Variants in MEGF10 observed in about 807,000 individuals in gnomAD.
MEGF10 encodes the protein multiple epidermal growth factor-like domains protein 10.
Under a neutral mutation model 147.5 loss-of-function variants are expected in MEGF10, and 86 were observed. That is an observed-to-expected ratio of 0.58 (90% CI 0.49 to 0.70). The LOEUF is 0.70. MEGF10 is among the 30% of genes least tolerant of loss of function. The probability of loss-of-function intolerance (pLI) is 0.00; values close to 1 mark genes in which losing one functional copy is unlikely to be tolerated. For missense variants in MEGF10, 1,329 were observed against 1,487.3 expected (o/e 0.89, Z 1.75); for synonymous variants, 478 against 525.5 (o/e 0.91, Z 1.24).
At chr5:127,407,162 G>A (rs1397827930) in intron 8 of MEGF10, among the ~76,000 whole-genome samples, 3 of 152,182 alleles carry the variant, frequency 2.0e-5, no homozygotes, top group Non-Finnish European at 4.4e-5. Context: ...GCGTGGAGAT[G>A]TTGGCTCTTT....
chr5:127,388,318 T>G (rs1763511244), intron 5 of MEGF10, among the ~76,000 whole-genome samples: 4 of 151,650 alleles, frequency 2.6e-5, no homozygotes. Context: ...TCAGCTCACT[T>G]TTGCATCTTT....
At chr5:127,250,481 GT>G in the MEGF10 span, among the ~76,000 whole-genome samples, 1 of 151,956 alleles carries the variant, frequency 6.6e-6, no homozygotes, top group Non-Finnish European at 1.5e-5. Context: ...TAAACAATAA[GT>G]GTTGGTAAGC....
rs1260558059 is a variant in MEGF10 at position 127,372,042 on chromosome 5, C to G, written c.412+2040C>G. Among the ~76,000 whole-genome samples, 9 of 152,304 alleles carry G rather than the reference C, an allele frequency of 5.9e-5. No individual in the cohort carries two copies. In the East Asian group the frequency reaches 1.5e-3, roughly 26 times the overall value. ...ATCAACCTAATGTCAGGAAATGTATCATTTTGTTCACTCTTGACTAGATAA... is the reference window on the plus strand; with the variant it reads ...ATCAACCTAATGTCAGGAAATGTATGATTTTGTTCACTCTTGACTAGATAA... On this transcript the variant is annotated intron_variant, in intron 5 of 24. Transcript: ENST00000503335.
At chr5:127,269,033 T>G in the MEGF10 span, among the ~76,000 whole-genome samples, 2 of 152,242 alleles carry the variant, frequency 1.3e-5, no homozygotes, top group Non-Finnish European at 2.9e-5. Flanking sequence ...GGGTCCTGAC[T>G]GTTAGAAGGA....
intron 1 of MEGF10, among the ~76,000 whole-genome samples, chr5:127,324,873 C>G (rs966636689): frequency 2.0e-5 from 3 of 152,182 alleles, no homozygotes; most frequent in African/African-American, 7.2e-5. Context: ...AGGCTTGGCT[C>G]TTATCTTTCT....
chr5:127,368,302 C>G lies in MEGF10; in HGVS notation c.320-1608C>G, dbSNP rs188345772. The stretch of plus-strand genomic sequence containing the variant: ...TCCTTCAAACTCTAGTACCAGAAAA[C>G]TCTACCCTGGACCAGGGTCCCAAGG... On this transcript the variant is annotated intron_variant, in intron 4 of 24. Transcript: ENST00000503335. 3.3e-5 allele frequency among the ~76,000 whole-genome samples: 5 copies of G among 152,306 alleles called. 1 individual carries two copies. Among genetic ancestry groups the G allele is most frequent in the African/African-American group, 1.2e-4 (5 of 41,562 alleles).
intron 1 of MEGF10, among the ~76,000 whole-genome samples, chr5:127,321,630 G>C (rs78614713): frequency 6.6e-6 from 1 of 152,260 alleles, no homozygotes; most frequent in Non-Finnish European, 1.5e-5. Flanking sequence ...TCTGTGTCCT[G>C]ATAGTGAGTG....
At chr5:127,364,129 A>G (rs1201238534) in intron 4 of MEGF10, among the ~76,000 whole-genome samples, 1 of 152,194 alleles carries the variant, frequency 6.6e-6, no homozygotes, top group East Asian at 1.9e-4. Flanking sequence ...TTGAGATGTA[A>G]TTCACATACC....
intron 19 of MEGF10, among the ~76,000 whole-genome samples, chr5:127,445,016 A>C (rs1765888910): frequency 6.6e-6 from 1 of 152,266 alleles, no homozygotes; most frequent in African/African-American, 2.4e-5. Context: ...ATTAATTGCC[A>C]GTCTAAGTAT....
At chr5:127,307,183 C>T (rs757474974) in intron 1 of MEGF10, among the ~76,000 whole-genome samples, 3 of 152,158 alleles carry the variant, frequency 2.0e-5, no homozygotes, top group Non-Finnish European at 4.4e-5. Flanking sequence ...AAAGACCTTG[C>T]CTTGAGTTGT....
intron 19 of MEGF10, among the ~76,000 whole-genome samples, chr5:127,443,510 C>T (rs61031224): frequency 0.068 from 10,410 of 152,010 alleles, 1,207 homozygotes; most frequent in African/African-American, 0.24. Context: ...AATAAAATCT[C>T]GACTATCTAT....
chr5:127,390,209 T>C (rs1251683769), intron 5 of MEGF10, among the ~76,000 whole-genome samples: 9 of 152,228 alleles, frequency 5.9e-5, no homozygotes, highest in Non-Finnish European at 1.2e-4. Flanking sequence ...TTCAACCATA[T>C]GCAGTTGCTG....
chr5:127,403,213 G>A (rs182625576), intron 8 of MEGF10, among the ~76,000 whole-genome samples: 100 of 152,276 alleles, frequency 6.6e-4, no homozygotes, highest in Non-Finnish European at 1.3e-3. Context: ...TACTGCCGCT[G>A]TTTATCATCC....
intron 4 of MEGF10, among the ~76,000 whole-genome samples, chr5:127,361,814 CA>C (rs1257258107): frequency 6.6e-6 from 1 of 152,050 alleles, no homozygotes; most frequent in African/African-American, 2.4e-5. Context: ...TATTCAGTTC[CA>C]AATATTTAGA....
chr5:127,244,195 CAAAAAAAAAAAAAAA>C, the MEGF10 span, among the ~76,000 whole-genome samples: 3 of 70,600 alleles, frequency 4.2e-5, no homozygotes, highest in Non-Finnish European at 8.0e-5. Context: ...AAACTCTGTC[CAAAAAAAAAAAAAAA>C]AAAAAAATTC....
the MEGF10 span, among the ~76,000 whole-genome samples, chr5:127,271,134 C>T: frequency 6.6e-6 from 1 of 152,180 alleles, no homozygotes; most frequent in African/African-American, 2.4e-5. Context: ...TGAGGAATTA[C>T]CACACTATCT....
rs550370500 is a variant in MEGF10, at chr5:127,395,910, G to A, written c.413-622G>A. Among the ~76,000 whole-genome samples, 7 of 152,114 alleles carry A rather than the reference G, an allele frequency of 4.6e-5. No homozygotes were observed. The East Asian group carries it at 1.2e-3, about 25-fold the overall frequency. On this transcript the variant is annotated intron_variant, in intron 5 of 24. Coordinates refer to ENST00000503335, the MANE Select transcript of MEGF10 (RefSeq NM_001256545.2). Reference sequence around the variant, plus strand: ...GGACTCTGGCCCAGACCTGTAGCAGGGTCAGTCCACTCCCCAGTACTTCTG... The same window carrying A: ...GGACTCTGGCCCAGACCTGTAGCAGAGTCAGTCCACTCCCCAGTACTTCTG...
chr5:127,440,897 G>A (rs1378309143), intron 18 of MEGF10, 30 bp downstream of exon 18: 1 of 1,603,348 alleles, frequency 6.2e-7, no homozygotes, highest in African/African-American at 1.3e-5. Flanking sequence ...ATCACTGGGT[G>A]GTATTTTTTT....
the MEGF10 span, among the ~76,000 whole-genome samples, chr5:127,258,852 C>T: frequency 6.6e-6 from 1 of 152,234 alleles, no homozygotes; most frequent in Non-Finnish European, 1.5e-5. Context: ...GCCTCCAGAA[C>T]TTTGAGAAAT....
Sources: allele counts gnomAD v4.1 joint callset (sites outside exome capture counted in the v4.1 genomes callset), GRCh38; gene constraint gnomAD v4.1.1; transcripts MANE v1.5; gene names NCBI Gene and HGNC (gene_info 2026-07-23, HGNC 2026-07-21).